Variants in FBRSL1 observed in about 807,000 individuals in gnomAD.
FBRSL1 encodes fibrosin like 1.
A neutral mutation model predicts 89.6 loss-of-function variants in FBRSL1; 51 were observed. The ratio of observed to expected loss-of-function variants is 0.57; its 90% CI spans 0.45 to 0.72. The LOEUF (loss-of-function observed/expected upper bound fraction) is 0.72, where lower values mean the gene tolerates loss of function less well. Among genes scored for constraint, FBRSL1 ranks in the 30% least tolerant of loss-of-function variants. FBRSL1 has a pLI of 0.00. For synonymous variants in FBRSL1, 779 were observed against 681.1 expected (o/e 1.14, Z -2.24); for missense variants, 1,618 against 1,451.8 (o/e 1.11, Z -1.86).
chr12:132,552,207 CACCCAGCCCCTCCCCAGCAG>C (rs948444297), intron 5 of FBRSL1: 7 of 159,884 alleles, frequency 4.4e-5, no homozygotes, highest in African/African-American at 1.2e-4. Context: ...CAGTCCTCCA[CACCCAGCCCCTCCCCAGCAG>C]ACCCTTCTTC....
At chr12:132,518,612 G>A (rs900356717) in intron 2 of FBRSL1, among the ~76,000 whole-genome samples, 10 of 126,860 alleles carry the variant, frequency 7.9e-5, no homozygotes, top group East Asian at 5.0e-4. Flanking sequence ...CCATCCACCC[G>A]TCTATCCATG....
At position 132,490,301 on chromosome 12, in the gene FBRSL1, G is replaced by C. The variant is rs1475502801; in HGVS notation, c.-270G>C. The C allele has an allele frequency of 7.7e-5, 11 of 142,954 alleles. No individual in the cohort carries two copies. Among genetic ancestry groups the C allele is most frequent in the Admixed American group, 7.6e-4 (11 of 14,526 alleles). The allele number at this position is 142,954 out of a possible 1,614,324, so 8.9% of individuals were successfully genotyped here. A position where few individuals can be genotyped will look rare whatever the true frequency, so the allele number is the denominator to read the frequency against. On this transcript the variant is annotated 5_prime_UTR_variant, in exon 1 of 19. Coordinates refer to ENST00000680143, the MANE Select transcript of FBRSL1 (RefSeq NM_001367871.1). Reference sequence around the variant, plus strand: ...CGCGCGCATGGGGCGCGCCCCCGGGGGGGCGGCCGAGGGCCGCTGAGCGCC... The same window carrying C: ...CGCGCGCATGGGGCGCGCCCCCGGGCGGGCGGCCGAGGGCCGCTGAGCGCC...
intron 4 of FBRSL1, 95 bp downstream of exon 4, chr12:132,528,083 AC>A: frequency 1.8e-6 from 2 of 1,139,886 alleles, no homozygotes; most frequent in Non-Finnish European, 2.6e-6. Flanking sequence ...AACTTAGCTC[AC>A]CCCAGTCCCG....
chr12:132,555,714 C>T (rs915024245), intron 5 of FBRSL1, among the ~76,000 whole-genome samples: 3 of 152,238 alleles, frequency 2.0e-5, no homozygotes, highest in Admixed American at 2.0e-4. Context: ...CCTATCTCTG[C>T]CCCTGTCCGT....
intron 6 of FBRSL1, among the ~76,000 whole-genome samples, chr12:132,568,827 T>C (rs140732919): frequency 1.0e-3 from 151 of 150,178 alleles, no homozygotes; most frequent in Non-Finnish European, 1.8e-3. Context: ...TGGTGGCTGC[T>C]GTGGAAGGCC....
chr12:132,543,626 C>G (rs143324984), intron 4 of FBRSL1, among the ~76,000 whole-genome samples: 1 of 149,008 alleles, frequency 6.7e-6, no homozygotes, highest in Non-Finnish European at 1.5e-5. Context: ...CATGTGCCCC[C>G]CTACCCAGCT....
rs2039907434 is a variant in FBRSL1 at position 132,570,138 on chromosome 12, C to T, written c.904C>T (p.Pro302Ser). The change falls in exon 7 of 19, where the codon CCA (proline) becomes TCA (serine). Residue 302 changes from proline (P) to serine (S), a missense_variant. Transcript: ENST00000680143. The part of the protein sequence containing the change: ...PAPHRHTPQP[P>S]PPQPRGLLPT... The stretch of plus-strand genomic sequence containing the variant: ...CCCGCACCGCCACACCCCGCAGCCG[C>T]CACCCCCGCAGCCCCGCGGCCTGCT... 13 of 1,478,088 alleles carry T rather than the reference C, an allele frequency of 8.8e-6. No individual in the cohort carries two copies. Among genetic ancestry groups the T allele is most frequent in the Non-Finnish European group, 1.2e-5 (13 of 1,123,774 alleles). 91.6% of individuals were successfully genotyped at this position (1,478,088 alleles called of 1,614,324 possible).
At chr12:132,510,173 G>A (rs867827671) in intron 2 of FBRSL1, 120 of 1,231,326 alleles carry the variant, frequency 9.7e-5, no homozygotes, top group Middle Eastern at 9.3e-4. Context: ...CCCTGCGGCC[G>A]CTCATGGGCC....
At chr12:132,500,842 C>T (rs2032847811) in intron 1 of FBRSL1, among the ~76,000 whole-genome samples, 1 of 152,232 alleles carries the variant, frequency 6.6e-6, no homozygotes, top group African/African-American at 2.4e-5. Flanking sequence ...CCCTCTCTAA[C>T]CTCTCCTGCC....
rs2040973852 is a variant in FBRSL1 at position 132,583,926 on chromosome 12, C to G, written c.*148C>G. The G allele has an allele frequency of 3.1e-6, 1 of 323,340 alleles. No individual in the cohort carries two copies. Among genetic ancestry groups the G allele is most frequent in the Admixed American group, 5.3e-5 (1 of 18,820 alleles). 20.0% of individuals were successfully genotyped at this position (323,340 alleles called of 1,614,324 possible). A position where few individuals can be genotyped will look rare whatever the true frequency, so the allele number is the denominator to read the frequency against. ...GCGGAGGCGGGGACTTGGGTGTCGG[C>G]TTTTCTGAGGGTGATCTTTTGTTTT... is the stretch of plus-strand genomic sequence containing the variant. On this transcript the variant is annotated 3_prime_UTR_variant, in exon 19 of 19. Transcript: ENST00000680143.
intron 11 of FBRSL1, among the ~76,000 whole-genome samples, 176 bp from the exon 12 acceptor site, chr12:132,573,914 C>T (rs1025476381): frequency 2.0e-5 from 3 of 152,192 alleles, no homozygotes; most frequent in East Asian, 1.9e-4. Flanking sequence ...CAGAAACTGG[C>T]GGGCCAAAAG....
intron 2 of FBRSL1, chr12:132,510,640 C>G (rs1300705508): frequency 3.3e-6 from 4 of 1,230,092 alleles, no homozygotes; most frequent in Non-Finnish European, 4.1e-6. Flanking sequence ...GCGGGAGCCC[C>G]TACAGTGCCA....
At position 132,511,527 on chromosome 12, in the gene FBRSL1, G is replaced by A. The variant is rs1007894515; in HGVS notation, c.489+3177G>A. ...CCCAAAAGGGAGGGGGTGTTTGGGG[G>A]GGCTTTGACTGTCTCCAGACCTCAG... On this transcript the variant is annotated intron_variant, in intron 2 of 18. Coordinates refer to ENST00000680143, the MANE Select transcript of FBRSL1 (RefSeq NM_001367871.1). The A allele has an allele frequency of 5.1e-6, 5 of 985,846 alleles. No individual in the cohort carries two copies. In the African/African-American group the frequency reaches 8.7e-5, roughly 17 times the overall value. 61.1% of individuals were successfully genotyped at this position (985,846 alleles called of 1,614,324 possible).
At chr12:132,531,000 GGGGGGTGCAGGTGAGAGCCC>G (rs1566151786) in intron 4 of FBRSL1, among the ~76,000 whole-genome samples, 5 of 150,884 alleles carry the variant, frequency 3.3e-5, no homozygotes, top group African/African-American at 7.3e-5. Flanking sequence ...AGTGTGGGGG[GGGGGGTGCAGGTGAGAGCCC>G]GGGGTGCAGG....
intron 11 of FBRSL1, among the ~76,000 whole-genome samples, chr12:132,573,371 C>T (rs1346812478): frequency 6.6e-6 from 1 of 152,204 alleles, no homozygotes; most frequent in Non-Finnish European, 1.5e-5. Context: ...CGTGGACGGG[C>T]AGATAGTGCT....
intron 1 of FBRSL1, among the ~76,000 whole-genome samples, chr12:132,502,245 A>G (rs572655461): frequency 1.3e-5 from 2 of 152,146 alleles, no homozygotes; most frequent in East Asian, 3.9e-4. Flanking sequence ...GCCCTTCTAG[A>G]ATCCTTGGCA....
intron 1 of FBRSL1, among the ~76,000 whole-genome samples, chr12:132,496,541 C>T (rs2032065816): frequency 6.6e-6 from 1 of 152,254 alleles, no homozygotes; most frequent in South Asian, 2.1e-4. Flanking sequence ...GTTGGATTCC[C>T]TCCTCAGCAC....
chr12:132,569,920 C>A lies in FBRSL1; in HGVS notation c.692-6C>A, dbSNP rs2039891206. 3.6e-6 allele frequency: 5 copies of A among 1,394,938 alleles called. No individual in the cohort carries two copies. The highest frequency in any genetic ancestry group is 4.6e-6 in the Non-Finnish European group (5 of 1,079,984). 86.4% of individuals were successfully genotyped at this position (1,394,938 alleles called of 1,614,324 possible). ...TGGTCTGAACGCAGCCACCCTCTCT[C>A]TGCAGGCCCAGCGCTTGAGAAGTCG... On this transcript the variant is annotated splice_polypyrimidine_tract_variant and splice_region_variant and intron_variant, in intron 6 of 18. Coordinates refer to ENST00000680143, the MANE Select transcript of FBRSL1 (RefSeq NM_001367871.1).
At chr12:132,541,312 A>T (rs529740277) in intron 4 of FBRSL1, among the ~76,000 whole-genome samples, 3 of 152,318 alleles carry the variant, frequency 2.0e-5, no homozygotes, top group African/African-American at 7.2e-5. Context: ...ATTCTATGCC[A>T]GTACCGTGGA....
Sources: gnomAD v4.1 joint callset for allele counts (sites outside exome capture counted in the v4.1 genomes callset) on GRCh38, gnomAD v4.1.1 for gene constraint, MANE v1.5 for transcripts, NCBI Gene and HGNC (gene_info 2026-07-23, HGNC 2026-07-21) for gene names.